The following GRM7 variants were observed in gnomAD, a reference collection of about 807,000 sequenced individuals.
GRM7 encodes the protein glutamate metabotropic receptor 7, also known as metabotropic glutamate receptor 7.
Under a neutral mutation model 84.5 loss-of-function variants are expected in GRM7, and 35 were observed. The observed-to-expected ratio is 0.41, with a 90% CI of 0.32 to 0.55. The LOEUF is 0.55. GRM7 is among the 20% of genes least tolerant of loss of function. The pLI, the probability that GRM7 is intolerant of heterozygous loss-of-function variation, is 0.19. For synonymous variants in GRM7, 487 were observed against 455.1 expected, an observed-to-expected ratio of 1.07 and a Z score of -0.89; for missense variants, 1,003 against 1,194.6, an observed-to-expected ratio of 0.84 and a Z score of 2.36.
rs145877869 is a variant in GRM7 at position 7,464,865 on chromosome 3, G to T, written c.1515+3143G>T. On this transcript the variant is annotated intron_variant, in intron 7 of 9. Transcript: ENST00000357716. ...AAAAAAATTAACTGAGCATGGTGGC[G>T]CACACCTGTAATCCCAACTACTTGG... 3.8e-3 allele frequency among the ~76,000 whole-genome samples: 568 copies of T among 151,112 alleles called. 6 individuals are homozygous for T. The highest frequency in any genetic ancestry group is 0.022 in the South Asian group (103 of 4,758).
At chr3:7,639,899 A>T (rs1465776316) in intron 8 of GRM7, among the ~76,000 whole-genome samples, 1 of 152,186 alleles carries the variant, frequency 6.6e-6, no homozygotes, top group Non-Finnish European at 1.5e-5. Flanking sequence ...CGATTTGATC[A>T]TCATAGATTA....
At chr3:6,941,373 A>G (rs926547368) in intron 1 of GRM7, among the ~76,000 whole-genome samples, 3 of 152,192 alleles carry the variant, frequency 2.0e-5, no homozygotes, top group Non-Finnish European at 2.9e-5. Context: ...TTGACTTTTT[A>G]TATTGAATAG....
At chr3:6,991,117 C>G (rs1575106392) in intron 1 of GRM7, among the ~76,000 whole-genome samples, 1 of 152,172 alleles carries the variant, frequency 6.6e-6, no homozygotes, top group Non-Finnish European at 1.5e-5. Flanking sequence ...CACGGATGCC[C>G]TCTTACCAAC....
In GRM7 at chr3:7,614,264, C is replaced by CTAAA. The variant is rs539993841; in HGVS notation, c.2451+34925_2451+34928dup. Reference sequence around the variant, plus strand: ...TTGGTGACAGAGTGAGACTCTGTCTCTAAATAAATAAATAAATAAATTGTA... The same window carrying CTAAA: ...TTGGTGACAGAGTGAGACTCTGTCTCTAAATAAATAAATAAATAAATAAATTGTA... On this transcript the variant is annotated intron_variant, in intron 8 of 9. Coordinates refer to ENST00000357716, the MANE Select transcript of GRM7 (RefSeq NM_000844.4). 9.3e-3 allele frequency among the ~76,000 whole-genome samples: 1,416 copies of CTAAA among 152,086 alleles called. 17 individuals are homozygous for CTAAA. The highest frequency in any genetic ancestry group is 0.023 in the Admixed American group (358 of 15,264).
chr3:7,366,495 C>A (rs926010601), intron 4 of GRM7, among the ~76,000 whole-genome samples: 3 of 151,682 alleles, frequency 2.0e-5, no homozygotes, highest in African/African-American at 7.3e-5. Context: ...TATATTAATA[C>A]CTTTAATTAA....
intron 9 of GRM7, among the ~76,000 whole-genome samples, chr3:7,699,786 A>T (rs1013851456): frequency 3.3e-5 from 5 of 152,128 alleles, no homozygotes; most frequent in African/African-American, 1.2e-4. Context: ...TGAAGATACA[A>T]GTTTTTCTTT....
rs761399796 is a variant in GRM7, at chr3:7,302,931, A to ATTTTTTTTTTTTTTTTTTT, written c.879-3561_879-3543dup. Reference sequence around the variant, plus strand: ...AGAAGTATTAACATTTGATTGTTCTATTTTTTTTTTTTTTTTTTTTTTTTG... The same window carrying ATTTTTTTTTTTTTTTTTTT: ...AGAAGTATTAACATTTGATTGTTCTATTTTTTTTTTTTTTTTTTTTTTTTTTTTTTTTTTTTTTTTTTTG... On this transcript the variant is annotated intron_variant, in intron 3 of 9. Coordinates refer to ENST00000357716, the MANE Select transcript of GRM7 (RefSeq NM_000844.4). 6.6e-5 allele frequency among the ~76,000 whole-genome samples: 8 copies of ATTTTTTTTTTTTTTTTTTT among 121,940 alleles called. 1 individual carries two copies. Among genetic ancestry groups the ATTTTTTTTTTTTTTTTTTT allele is most frequent in the African/African-American group, 1.8e-4 (5 of 27,186 alleles). 80.0% of individuals were successfully genotyped at this position (121,940 alleles called of 152,430 possible).
At chr3:7,511,697 T>C (rs760700901) in intron 7 of GRM7, among the ~76,000 whole-genome samples, 1 of 152,226 alleles carries the variant, frequency 6.6e-6, no homozygotes, top group Non-Finnish European at 1.5e-5. Context: ...TACCTTTTAA[T>C]AAAGCTGTCC....
intron 1 of GRM7, among the ~76,000 whole-genome samples, chr3:6,895,365 A>G (rs904719631): frequency 6.6e-5 from 10 of 152,186 alleles, no homozygotes; most frequent in African/African-American, 2.2e-4. Flanking sequence ...TTGAACAGGG[A>G]ACAAACAATA....
chr3:7,470,389 A>G (rs1423003263), intron 7 of GRM7, among the ~76,000 whole-genome samples: 1 of 152,206 alleles, frequency 6.6e-6, no homozygotes, highest in African/African-American at 2.4e-5. Flanking sequence ...AGTAAAGAAA[A>G]TGCTTTTGTG....
At chr3:7,653,065 T>C (rs564078831) in intron 8 of GRM7, among the ~76,000 whole-genome samples, 2 of 152,112 alleles carry the variant, frequency 1.3e-5, no homozygotes, top group African/African-American at 4.8e-5. Context: ...ATTTCCCCTT[T>C]GCAATGAGCT....
At chr3:6,890,118 T>C (rs1028239308) in intron 1 of GRM7, among the ~76,000 whole-genome samples, 19 of 152,110 alleles carry the variant, frequency 1.2e-4, no homozygotes, top group African/African-American at 4.6e-4. Flanking sequence ...TTGATTCTTC[T>C]CTCTTTTTTC....
At chr3:7,035,942 G>T (rs1696372502) in intron 1 of GRM7, among the ~76,000 whole-genome samples, 1 of 152,214 alleles carries the variant, frequency 6.6e-6, no homozygotes, top group Non-Finnish European at 1.5e-5. Context: ...GCCAGGCTCT[G>T]TTGCTAAAGT....
chr3:7,295,513 AAAAATAAAAT>A (rs138813150), intron 2 of GRM7, among the ~76,000 whole-genome samples: 1 of 152,102 alleles, frequency 6.6e-6, no homozygotes, highest in South Asian at 2.1e-4. Flanking sequence ...TGAGGTCTAC[AAAAATAAAAT>A]AAAATAAAAT....
chr3:7,428,711 G>A (rs886369871), intron 5 of GRM7, among the ~76,000 whole-genome samples: 4 of 152,040 alleles, frequency 2.6e-5, no homozygotes, highest in African/African-American at 9.7e-5. Flanking sequence ...CACAAAAGGG[G>A]AGAACTTACA....
chr3:7,130,333 G>C (rs943047441), intron 1 of GRM7, among the ~76,000 whole-genome samples: 9 of 152,064 alleles, frequency 5.9e-5, no homozygotes, highest in African/African-American at 2.2e-4. Flanking sequence ...CACGAAGTTA[G>C]GAGTTTGAGA....
chr3:7,237,613 T>G (rs530677358), intron 2 of GRM7, among the ~76,000 whole-genome samples: 32 of 152,148 alleles, frequency 2.1e-4, no homozygotes, highest in African/African-American at 7.7e-4. Flanking sequence ...GCTTCAGGAG[T>G]GAAGCCGCAG....
chr3:7,541,177 C>G (rs560473220), intron 7 of GRM7, among the ~76,000 whole-genome samples: 1 of 151,834 alleles, frequency 6.6e-6, no homozygotes, highest in Non-Finnish European at 1.5e-5. Context: ...TCATAGTGTA[C>G]TTTTTTTTGC....
intron 9 of GRM7, among the ~76,000 whole-genome samples, chr3:7,705,181 T>A (rs1701347673): frequency 1.3e-5 from 2 of 152,110 alleles, no homozygotes; most frequent in African/African-American, 2.4e-5. Context: ...CATCCTTGAA[T>A]GTGAAGGCCT....
Sources: gnomAD v4.1 joint callset for allele counts (sites outside exome capture counted in the v4.1 genomes callset) on GRCh38, gnomAD v4.1.1 for gene constraint, MANE v1.5 for transcripts, NCBI Gene and HGNC (gene_info 2026-07-23, HGNC 2026-07-21) for gene names.